The following URB2 variants were observed in gnomAD, a reference collection of about 807,000 sequenced individuals.
URB2 encodes URB2 ribosome biogenesis homolog.
In URB2, 86 loss-of-function variants were observed where a neutral mutation model predicts 120.9. The ratio of observed to expected loss-of-function variants is 0.71; its 90% CI spans 0.60 to 0.85. URB2 has a LOEUF of 0.85. Among genes scored for constraint, URB2 ranks in the 40% least tolerant of loss-of-function variants. The pLI is 0.00. For synonymous variants in URB2, 755 were observed against 758.4 expected (o/e 1.00, Z 0.07); for missense variants, 1,765 against 1,836.5 (o/e 0.96, Z 0.71).
Position 229,635,558 on chromosome 1 carries a change from C to T in URB2, c.945C>T (p.Tyr315=). The T allele has an allele frequency of 6.2e-7, 1 of 1,614,130 alleles. No homozygotes were observed. The highest frequency in any genetic ancestry group is 1.1e-5 in the South Asian group (1 of 91,086). ...ALLYKLFLDS[Y]FKEGNQLLCF... is the part of the protein sequence containing the mutation. The stretch of plus-strand genomic sequence containing the variant: ...TGTATAAGCTCTTTCTAGATTCTTA[C>T]TTTAAGGAGGGAAACCAGCTTCTCT... Residue 315 remains tyrosine, a synonymous_variant, in exon 4 of 10, where the codon TAC becomes TAT. Coordinates refer to ENST00000258243, the MANE Select transcript of URB2 (RefSeq NM_014777.4).
At chr1:229,652,046 A>G (rs1231728287) in intron 8 of URB2, among the ~76,000 whole-genome samples, 1 of 151,906 alleles carries the variant, frequency 6.6e-6, no homozygotes, top group Admixed American at 6.6e-5. Context: ...GCTGGGCGTG[A>G]TGGTGGACTC....
chr1:229,631,997 G>A (rs1489124426), intron 2 of URB2, among the ~76,000 whole-genome samples: 3 of 152,112 alleles, frequency 2.0e-5, no homozygotes, highest in East Asian at 1.9e-4. Context: ...CTCAAAAAAC[G>A]GGTTAAGACG....
chr1:229,643,405 A>AT (rs1417541228), intron 4 of URB2, 128 bp from the exon 5 acceptor site: 29 of 1,050,718 alleles, frequency 2.8e-5, no homozygotes, highest in Middle Eastern at 2.7e-4. Context: ...ACCAGTGCTT[A>AT]TATCACCATG....
Position 229,634,943 on chromosome 1 carries a change from C to T in URB2, c.330C>T (p.Phe110=). 1 of 1,536,584 alleles carries T rather than the reference C, an allele frequency of 6.5e-7. No homozygotes were observed. Among genetic ancestry groups the T allele is most frequent in the Non-Finnish European group, 8.8e-7 (1 of 1,141,554 alleles). Residue 110 remains phenylalanine (F), a synonymous_variant, in exon 4 of 10, where the codon TTC becomes TTT. Transcript: ENST00000258243. ...VKIINERVAE[F]SLSGSQRNIC... ...TCATCAATGAGAGAGTAGCTGAGTTCTCTCTTTCGGGATCCCAAAGAAACA... is the reference window on the plus strand; with the variant it reads ...TCATCAATGAGAGAGTAGCTGAGTTTTCTCTTTCGGGATCCCAAAGAAACA...
intron 2 of URB2, among the ~76,000 whole-genome samples, chr1:229,628,101 T>TTATATA (rs1558159978): frequency 7.0e-6 from 1 of 142,836 alleles, no homozygotes; most frequent in African/African-American, 2.6e-5. Context: ...ATTATATATA[T>TTATATA]TATATATGTA....
intron 6 of URB2, among the ~76,000 whole-genome samples, chr1:229,646,389 C>T (rs1368694137): frequency 6.6e-6 from 1 of 152,174 alleles, no homozygotes; most frequent in Non-Finnish European, 1.5e-5. Context: ...CAGCCTCAAA[C>T]TCCTGGCCTC....
Position 229,636,131 on chromosome 1 carries a change from T to A in URB2, c.1518T>A (p.Pro506=). Residue 506 remains proline (P), a synonymous_variant, in exon 4 of 10, where the codon CCT becomes CCA. Coordinates refer to ENST00000258243, the MANE Select transcript of URB2 (RefSeq NM_014777.4). ...TCTCTGCATGCCTCCTGGAGCTGCCTCCAAGTCAGATCCTGGACACGTGGT... is the reference window on the plus strand; with the variant it reads ...TCTCTGCATGCCTCCTGGAGCTGCCACCAAGTCAGATCCTGGACACGTGGT... ...TVLSACLLEL[P]PSQILDTWSL... is the part of the protein sequence containing the mutation. 2 of 1,614,268 alleles carry A rather than the reference T, an allele frequency of 1.2e-6. No homozygotes were observed. The highest frequency in any genetic ancestry group is 4.5e-5 in the East Asian group (2 of 44,888).
chr1:229,660,085 C>T lies in URB2; in HGVS notation c.*788C>T, dbSNP rs1338234650. 6.6e-6 allele frequency: 1 copy of T among 152,170 alleles called. No individual in the cohort carries two copies. Among genetic ancestry groups the T allele is most frequent in the East Asian group, 1.9e-4 (1 of 5,202 alleles). The allele number at this position is 152,170 out of a possible 1,614,324, so 9.4% of individuals were successfully genotyped here. On this transcript the variant is annotated 3_prime_UTR_variant, in exon 10 of 10. Transcript: ENST00000258243. ...ATAGTCTCAGTTACCCAGATAACCT[C>T]GGTTGTCACCTTGGAGTATCTTGTT...
At chr1:229,654,067 G>A (rs1434340872) in intron 8 of URB2, among the ~76,000 whole-genome samples, 182 bp from the exon 9 acceptor site, 1 of 149,462 alleles carries the variant, frequency 6.7e-6, no homozygotes, top group Admixed American at 6.8e-5. Flanking sequence ...CCTTTGTTGT[G>A]TAGATAACTG....
chr1:229,654,316 C>T lies in URB2; in HGVS notation c.4305C>T (p.Ile1435=), dbSNP rs114151191. ...TGGTTGAAAGAATGTACAGCCACAT[C>T]GCCGCACGAGCTGAGGAGTTTGCTG... ...ARLVERMYSH[I]AARAEEFAVF... is the part of the protein sequence containing the mutation. The change falls in exon 9 of 10, where the codon ATC becomes ATT. Residue 1435 remains isoleucine, a synonymous_variant. Transcript: ENST00000258243. 61 of 1,614,154 alleles carry T rather than the reference C, an allele frequency of 3.8e-5. No individual in the cohort carries two copies. The highest frequency in any genetic ancestry group is 3.2e-4 in the African/African-American group (24 of 75,026).
At chr1:229,628,795 G>C (rs1485176951) in intron 2 of URB2, among the ~76,000 whole-genome samples, 1 of 152,244 alleles carries the variant, frequency 6.6e-6, no homozygotes, top group Non-Finnish European at 1.5e-5. Context: ...ACAAGCTCAT[G>C]AAATTGGATT....
chr1:229,639,140 C>T (rs1665937742), intron 4 of URB2, among the ~76,000 whole-genome samples: 1 of 151,782 alleles, frequency 6.6e-6, no homozygotes, highest in African/African-American at 2.4e-5. Context: ...ACAAAAAATA[C>T]AAAAATTGGC....
intron 4 of URB2, among the ~76,000 whole-genome samples, chr1:229,639,243 T>G (rs888887215): frequency 6.6e-6 from 1 of 151,938 alleles, no homozygotes; most frequent in Admixed American, 6.6e-5. Flanking sequence ...CTGCAGTGAG[T>G]CTTGATCCTG....
At chr1:229,632,597 A>G in intron 3 of URB2, 152 bp downstream of exon 3, 1 of 614,554 alleles carries the variant, frequency 1.6e-6, no homozygotes, top group Non-Finnish European at 2.5e-6. Context: ...TAAAATAGTA[A>G]CTATTGAATG....
chr1:229,632,450 T>C lies in URB2; in HGVS notation c.303+5T>C. On this transcript the variant is annotated splice_donor_5th_base_variant and intron_variant, in intron 3 of 9. Coordinates refer to ENST00000258243, the MANE Select transcript of URB2 (RefSeq NM_014777.4). ...CTTCAGATTTCCCTAGTCAAGGTAA[T>C]TCACTTTTCTGTTCTGTATGTGTTG... 1 of 1,548,666 alleles carries C rather than the reference T, an allele frequency of 6.5e-7. No individual in the cohort carries two copies. Among genetic ancestry groups the C allele is most frequent in the Non-Finnish European group, 8.6e-7 (1 of 1,157,702 alleles).
Position 229,636,926 on chromosome 1 carries a change from C to G in URB2, c.2313C>G (p.Pro771=), listed in dbSNP as rs764288024. Residue 771 remains proline (P), a synonymous_variant, in exon 4 of 10, where the codon CCC becomes CCG. Coordinates refer to ENST00000258243, the MANE Select transcript of URB2 (RefSeq NM_014777.4). The part of the protein sequence containing the change: ...YLASVLLRTL[P]MGKAQEVSID... ...CCAGTGTCCTGCTGAGAACTTTACCCATGGGCAAAGCCCAGGAAGTCTCAA... is the reference window on the plus strand; with the variant it reads ...CCAGTGTCCTGCTGAGAACTTTACCGATGGGCAAAGCCCAGGAAGTCTCAA... 28 of 1,613,030 alleles carry G rather than the reference C, an allele frequency of 1.7e-5. No individual in the cohort carries two copies. Among genetic ancestry groups the G allele is most frequent in the Non-Finnish European group, 2.4e-5 (28 of 1,179,528 alleles).
intron 4 of URB2, among the ~76,000 whole-genome samples, chr1:229,638,556 G>A (rs1327087755): frequency 6.6e-6 from 1 of 151,896 alleles, no homozygotes; most frequent in Non-Finnish European, 1.5e-5. Flanking sequence ...TGAGGCAGGA[G>A]AATGGCGTGA....
intron 2 of URB2, among the ~76,000 whole-genome samples, chr1:229,630,500 T>G (rs1337594691): frequency 6.6e-6 from 1 of 152,234 alleles, no homozygotes; most frequent in Non-Finnish European, 1.5e-5. Context: ...ATGCTGTCAT[T>G]CAGGCTTTGT....
At position 229,635,740 on chromosome 1, in the gene URB2, C is replaced by T. The variant is rs1408467353; in HGVS notation, c.1127C>T (p.Ala376Val). The change falls in exon 4 of 10, where the codon GCT becomes GTT. Residue 376 changes from alanine (A) to valine (V), a missense_variant. Transcript: ENST00000258243. The part of the protein sequence containing the change: ...SVANNNIYNI[A>V]ADRIRHEEAQ... ...GCCAACAACAATATCTACAACATCG[C>T]TGCCGACAGAATTCGGCACGAAGAG... The T allele has an allele frequency of 1.2e-6, 2 of 1,614,194 alleles. No individual in the cohort carries two copies. The highest frequency in any genetic ancestry group is 3.3e-5 in the Admixed American group (2 of 60,026).
Sources: allele counts gnomAD v4.1 joint callset (sites outside exome capture counted in the v4.1 genomes callset), GRCh38; gene constraint gnomAD v4.1.1; transcripts MANE v1.5; gene names NCBI Gene and HGNC (gene_info 2026-07-23, HGNC 2026-07-21).